TBC1D22B: variants seen among roughly 807,000 people sequenced by gnomAD.
The protein encoded by TBC1D22B is chromosome 6 open reading frame 197.
TBC1D22B carries 32 observed loss-of-function variants against 69.1 expected under a neutral mutation model. That is an observed-to-expected ratio of 0.46 (90% CI 0.35 to 0.62). The LOEUF (loss-of-function observed/expected upper bound fraction) is 0.62. TBC1D22B is among the 20% of genes least tolerant of loss of function. The pLI is 0.00. For missense variants in TBC1D22B, 462 were observed against 630.9 expected (o/e 0.73, Z 2.87); for synonymous variants, 206 against 229.8 (o/e 0.90, Z 0.94).
intron 1 of TBC1D22B, among the ~76,000 whole-genome samples, chr6:37,262,585 G>A (rs1766142996): frequency 6.6e-6 from 1 of 152,254 alleles, no homozygotes; most frequent in Admixed American, 6.5e-5. Flanking sequence ...TCTGATAGGA[G>A]ACTTAGTGTA....
intron 12 of TBC1D22B, among the ~76,000 whole-genome samples, chr6:37,321,200 ATT>A (rs35849190): frequency 2.0e-5 from 3 of 149,270 alleles, no homozygotes; most frequent in East Asian, 2.0e-4. Flanking sequence ...TCATAGCAAG[ATT>A]TTTTTTTTTT....
Position 37,329,522 on chromosome 6 carries a change from A to G in TBC1D22B, c.1390-1522A>G, listed in dbSNP as rs776855987. On this transcript the variant is annotated intron_variant, in intron 12 of 12. Transcript: ENST00000373491. Reference sequence around the variant, plus strand: ...GAGTTAGAAGCAGAGTTGCTGGATGAAAGACCATGTGCATTTCTTATTTTG... The same window carrying G: ...GAGTTAGAAGCAGAGTTGCTGGATGGAAGACCATGTGCATTTCTTATTTTG... Among the ~76,000 whole-genome samples, 6 of 152,274 alleles carry G rather than the reference A, an allele frequency of 3.9e-5. 1 individual carries two copies. Among genetic ancestry groups the G allele is most frequent in the South Asian group, 4.1e-4 (2 of 4,836 alleles).
intron 1 of TBC1D22B, among the ~76,000 whole-genome samples, chr6:37,267,554 T>C (rs1025685659): frequency 1.4e-5 from 2 of 145,448 alleles, no homozygotes; most frequent in Non-Finnish European, 3.0e-5. Flanking sequence ...TATACACATA[T>C]ATATATACAC....
At chr6:37,267,189 C>G (rs1318957902) in intron 1 of TBC1D22B, among the ~76,000 whole-genome samples, 1 of 150,828 alleles carries the variant, frequency 6.6e-6, no homozygotes, top group Non-Finnish European at 1.5e-5. Flanking sequence ...CACACCTCAG[C>G]ATCCCAAAGT....
rs768162699 is a variant in TBC1D22B at position 37,312,997 on chromosome 6, C to A, written c.1062C>A (p.Cys354Ter). The change falls in exon 9 of 13, where the codon TGC becomes TGA. Residue 354 changes from cysteine to a stop codon, truncating the protein, a stop_gained. Coordinates refer to ENST00000373491, the MANE Select transcript of TBC1D22B (RefSeq NM_017772.4). LOFTEE classifies it high-confidence loss of function. ...GCATTGAGGCTGACAGCTTTTGGTG[C>A]ATGAGCAAGCTGCTGGATGGAATCC... ...LRSIEADSFW[C>*]MSKLLDGIQD... The A allele has an allele frequency of 6.2e-7, 1 of 1,614,146 alleles. No individual in the cohort carries two copies. Among genetic ancestry groups the A allele is most frequent in the South Asian group, 1.1e-5 (1 of 91,090 alleles).
At chr6:37,276,969 A>G (rs1766689882) in intron 2 of TBC1D22B, among the ~76,000 whole-genome samples, 1 of 152,060 alleles carries the variant, frequency 6.6e-6, no homozygotes, top group African/African-American at 2.4e-5. Flanking sequence ...AATACAACAC[A>G]CACCCTGGTA....
chr6:37,307,706 A>G (rs1387801651), intron 8 of TBC1D22B, among the ~76,000 whole-genome samples: 3 of 152,148 alleles, frequency 2.0e-5, no homozygotes, highest in East Asian at 3.8e-4. Context: ...TTCAACAACA[A>G]CAACAACAAG....
intron 12 of TBC1D22B, among the ~76,000 whole-genome samples, chr6:37,330,752 A>G (rs1449082433): frequency 1.3e-5 from 2 of 152,200 alleles, no homozygotes; most frequent in Non-Finnish European, 1.5e-5. Context: ...TGGATAAGTG[A>G]TTATTTTTCT....
chr6:37,323,197 G>A (rs1768299667), intron 12 of TBC1D22B, among the ~76,000 whole-genome samples: 1 of 152,158 alleles, frequency 6.6e-6, no homozygotes. Flanking sequence ...GCACCATGCA[G>A]GGCACTCTGA....
At chr6:37,282,991 C>T (rs189774208) in intron 5 of TBC1D22B, 39 bp downstream of exon 5, 406 of 1,580,508 alleles carry the variant, frequency 2.6e-4, no homozygotes, top group Middle Eastern at 2.0e-3. Flanking sequence ...GTGAGCCTCA[C>T]ACAGCCCTTC....
In TBC1D22B at chr6:37,331,474, C is replaced by G. The variant is rs1474493323; in HGVS notation, c.*302C>G. On this transcript the variant is annotated 3_prime_UTR_variant, in exon 13 of 13. Coordinates refer to ENST00000373491, the MANE Select transcript of TBC1D22B (RefSeq NM_017772.4). ...GACAAAGAAGGGGAAGGCTCAGGGTCTCACCTCACATTGTCCCTACAAGGA... is the reference window on the plus strand; with the variant it reads ...GACAAAGAAGGGGAAGGCTCAGGGTGTCACCTCACATTGTCCCTACAAGGA... 5 of 273,488 alleles carry G rather than the reference C, an allele frequency of 1.8e-5. No individual in the cohort carries two copies. The highest frequency in any genetic ancestry group is 3.5e-5 in the Non-Finnish European group (5 of 142,798). 16.9% of individuals were successfully genotyped at this position (273,488 alleles called of 1,614,324 possible).
Position 37,284,414 on chromosome 6 carries a change from C to A in TBC1D22B, c.751C>A (p.Gln251Lys). The A allele has an allele frequency of 1.3e-5, 21 of 1,612,644 alleles. No homozygotes were observed. The highest frequency in any genetic ancestry group is 1.8e-5 in the Non-Finnish European group (21 of 1,179,294). ...KREEYFGFIEQYYDSRNEEHH... is the reference protein window; with the variant it reads ...KREEYFGFIEKYYDSRNEEHH... ...GGAGGAATATTTTGGCTTCATTGAA[C>A]AGTATTATGACTCTCGAAACGAGGA... Residue 251 changes from glutamine to lysine, a missense_variant, in exon 6 of 13, where the codon CAG becomes AAG. Around this residue, in one of 2 missense-constraint regions of TBC1D22B, gnomAD observed 225 missense variants for 375.4 expected, o/e 0.60. Transcript: ENST00000373491.
intron 1 of TBC1D22B, chr6:37,258,220 G>A (rs1482484830): frequency 5.5e-6 from 3 of 543,780 alleles, no homozygotes; most frequent in African/African-American, 3.9e-5. Context: ...CAGCGGGAAG[G>A]TGGCCGAAGA....
chr6:37,324,186 A>G (rs1562069374), intron 12 of TBC1D22B: 1 of 418,852 alleles, frequency 2.4e-6, no homozygotes, highest in South Asian at 1.7e-5. Context: ...TTCTAGATAC[A>G]GTATCTTATT....
At chr6:37,298,539 G>GTTTTTTTTTTTTTTT (rs34996865) in intron 8 of TBC1D22B, among the ~76,000 whole-genome samples, 41 of 71,262 alleles carry the variant, frequency 5.8e-4, no homozygotes, top group African/African-American at 2.3e-3. Flanking sequence ...GTTGCCTACA[G>GTTTTTTTTTTTTTTT]TTTTTTTTTT....
At chr6:37,321,818 C>T (rs1032793931) in intron 12 of TBC1D22B, among the ~76,000 whole-genome samples, 2 of 152,072 alleles carry the variant, frequency 1.3e-5, no homozygotes, top group Admixed American at 6.5e-5. Context: ...CTGGGGAGGC[C>T]GTGTTGACTG....
At chr6:37,264,040 G>C (rs1176529780) in intron 1 of TBC1D22B, among the ~76,000 whole-genome samples, 1 of 34,794 alleles carries the variant, frequency 2.9e-5, no homozygotes, top group East Asian at 7.8e-4. Context: ...CAAATGTTTT[G>C]TATTTTTTTT....
At chr6:37,288,080 A>C (rs2622894) in intron 7 of TBC1D22B, among the ~76,000 whole-genome samples, 2,190 of 152,322 alleles carry the variant, frequency 0.014, 47 homozygotes, top group African/African-American at 0.048. Context: ...TTCAGTTCTC[A>C]TAGTAGAGAG....
chr6:37,311,253 G>GT (rs1292071291), intron 8 of TBC1D22B, among the ~76,000 whole-genome samples: 2 of 151,084 alleles, frequency 1.3e-5, no homozygotes, highest in African/African-American at 4.9e-5. Flanking sequence ...TCTCAAGAGG[G>GT]GTTTTTTTTT....
Sources: gnomAD v4.1 joint callset for allele counts (sites outside exome capture counted in the v4.1 genomes callset) on GRCh38, gnomAD v4.1.1 for gene constraint, gnomAD v4.1.1 regional missense constraint, MANE v1.5 for transcripts, NCBI Gene and HGNC (gene_info 2026-07-23, HGNC 2026-07-21) for gene names.